The following UNC93B1 variants were observed in gnomAD, a reference collection of about 807,000 sequenced individuals.
The protein encoded by UNC93B1 is protein unc-93 homolog B1.
A neutral mutation model predicts 56.8 loss-of-function variants in UNC93B1; 33 were observed. The ratio of observed to expected loss-of-function variants is 0.58; its 90% confidence interval spans 0.44 to 0.78. The LOEUF is 0.78. UNC93B1 is among the 30% of genes least tolerant of loss of function. UNC93B1 has a pLI of 0.00. For synonymous variants in UNC93B1, 334 were observed against 358.6 expected, an observed-to-expected ratio of 0.93 and a Z score of 0.77; for missense variants, 673 against 819.5, an observed-to-expected ratio of 0.82 and a Z score of 2.18.
chr11:68,003,820 C>T lies in UNC93B1; in HGVS notation c.97-22G>A, dbSNP rs758586890. The T allele has an allele frequency of 7.6e-6, 11 of 1,456,608 alleles. No individual in the cohort carries two copies. The East Asian group carries it at 1.2e-4, about 16-fold the overall frequency. 90.2% of individuals were successfully genotyped at this position (1,456,608 alleles called of 1,614,324 possible). A position where few individuals can be genotyped will look rare whatever the true frequency, so the allele number is the denominator to read the frequency against. ...CCAGCTGCGAGCCACGCACGCCGCT[C>T]GCACCCGCGATCGCGCCCCGAACCC... is the stretch of plus-strand genomic sequence containing the variant. On this transcript the variant is annotated intron_variant, in intron 1 of 10. Transcript: ENST00000227471. The surrounding 1 kb of genome is among the most constrained non-coding windows in gnomAD (Gnocchi z 4.4).
In UNC93B1 at chr11:67,991,693, C is replaced by G. The variant is rs1372132126; in HGVS notation, c.1647G>C (p.Glu549Asp). 9 of 1,532,512 alleles carry G rather than the reference C, an allele frequency of 5.9e-6. No homozygotes were observed. The highest frequency in any genetic ancestry group is 7.9e-6 in the Non-Finnish European group (9 of 1,145,908). 94.9% of individuals were successfully genotyped at this position (1,532,512 alleles called of 1,614,324 possible). The change falls in exon 11 of 11, where the codon GAG (glutamate) becomes GAC (aspartate). Residue 549 changes from glutamate to aspartate, a missense_variant. Physicochemically the swap from Glu to Asp is conservative, Grantham distance 45. Around this residue, in one of 3 missense-constraint regions of UNC93B1, gnomAD observed 80 missense variants for 85.3 expected, o/e 0.94. Transcript: ENST00000227471. ...CCCCATGCTCGCCCTCCGCGTCGCTCTCGTCCGAGTTGTCCTCCTCCAAGT... is the reference window on the plus strand; with the variant it reads ...CCCCATGCTCGCCCTCCGCGTCGCTGTCGTCCGAGTTGTCCTCCTCCAAGT... ...YRYLEEDNSDESDAEGEHGDG... is the reference protein window; with the variant it reads ...YRYLEEDNSDDSDAEGEHGDG...
intron 9 of UNC93B1, among the ~76,000 whole-genome samples, chr11:67,994,653 C>T (rs2375168): frequency 2.6e-5 from 4 of 152,176 alleles, no homozygotes; most frequent in Non-Finnish European, 5.9e-5. Flanking sequence ...GATACCCAGG[C>T]TGGACTCTGC....
intron 9 of UNC93B1, among the ~76,000 whole-genome samples, chr11:67,994,104 C>T (rs1856895031): frequency 6.6e-6 from 1 of 152,228 alleles, no homozygotes. Flanking sequence ...CTGTCCCCAA[C>T]CCAGGTGTGC....
chr11:67,996,316 G>C (rs1382105733), intron 8 of UNC93B1, among the ~76,000 whole-genome samples: 1 of 152,076 alleles, frequency 6.6e-6, no homozygotes, highest in East Asian at 2.0e-4. Context: ...TCTGAGGGCA[G>C]GTGTGAAAAT....
chr11:67,993,310 T>C (rs937059897), intron 10 of UNC93B1, among the ~76,000 whole-genome samples: 6 of 152,244 alleles, frequency 3.9e-5, no homozygotes, highest in African/African-American at 1.4e-4. Flanking sequence ...TTTTAAAAAA[T>C]GTTTAGCAAC....
At position 68,003,286 on chromosome 11, in the gene UNC93B1, C is replaced by A; in HGVS notation, c.239-111G>T. The A allele has an allele frequency of 2.4e-6, 3 of 1,272,972 alleles. No homozygotes were observed. Among genetic ancestry groups the A allele is most frequent in the Non-Finnish European group, 3.1e-6 (3 of 954,732 alleles). The allele number at this position is 1,272,972 out of a possible 1,614,324, so 78.9% of individuals were successfully genotyped here. On this transcript the variant is annotated intron_variant, in intron 2 of 10. Coordinates refer to ENST00000227471, the MANE Select transcript of UNC93B1 (RefSeq NM_030930.4). This position sits in a 1 kb window ranked among gnomAD's most constrained non-coding sequence, Gnocchi z 4.4. Reference sequence around the variant, plus strand: ...GAGCTCCAATCACCGAAGGCATTCCCGCTGACAGCGCCCCTCAGGACAGCG... The same window carrying A: ...GAGCTCCAATCACCGAAGGCATTCCAGCTGACAGCGCCCCTCAGGACAGCG...
Position 67,995,653 on chromosome 11 carries a change from G to C in UNC93B1, c.1321C>G (p.Leu441Val), listed in dbSNP as rs1044961876. Residue 441 changes from leucine to valine, a missense_variant, in exon 9 of 11, where the codon CTT becomes GTT. By Grantham distance (32) the Leu-to-Val change is conservative. This residue lies in a region of UNC93B1 where 155 missense variants were observed against 268.3 expected (regional missense o/e 0.58). Transcript: ENST00000227471. ...HSWILYVAAA[L>V]WGVGSALNKT... ...TTCAGGGCACTGCCCACACCCCAAA[G>C]GGCAGCTGCCACATAGAGGATCCAG... 2 of 1,338,540 alleles carry C rather than the reference G, an allele frequency of 1.5e-6. No individual in the cohort carries two copies. The highest frequency in any genetic ancestry group is 1.2e-5 in the South Asian group (1 of 81,436). The allele number at this position is 1,338,540 out of a possible 1,614,324, so 82.9% of individuals were successfully genotyped here. A position where few individuals can be genotyped will look rare whatever the true frequency, so the allele number is the denominator to read the frequency against.
At chr11:67,995,476 A>G (rs1856922771) in intron 9 of UNC93B1, 135 bp downstream of exon 9, 1 of 742,582 alleles carries the variant, frequency 1.3e-6, no homozygotes, top group Non-Finnish European at 2.1e-6. Context: ...TGCCTCTGCC[A>G]TGTCCACAGG....
At chr11:68,000,106 G>A (rs1857022131) in intron 3 of UNC93B1, among the ~76,000 whole-genome samples, 1 of 152,248 alleles carries the variant, frequency 6.6e-6, no homozygotes. Flanking sequence ...CAGAGCCAGA[G>A]TCCCGGCACC....
Position 67,999,128 on chromosome 11 carries a change from G to C in UNC93B1, c.687+45C>G, listed in dbSNP as rs140566211. On this transcript the variant is annotated intron_variant, in intron 5 of 10. Coordinates refer to ENST00000227471, the MANE Select transcript of UNC93B1 (RefSeq NM_030930.4). Reference sequence around the variant, plus strand: ...TGAGACTGTGGATGGGCTCCAATGCGTGGGTCTGCCCCTGCCACCCAACAA... The same window carrying C: ...TGAGACTGTGGATGGGCTCCAATGCCTGGGTCTGCCCCTGCCACCCAACAA... 4.3e-4 allele frequency: 698 copies of C among 1,611,048 alleles called. 4 individuals carry two copies. In the East Asian group the frequency reaches 0.012, roughly 29 times the overall value.
intron 3 of UNC93B1, among the ~76,000 whole-genome samples, chr11:68,000,742 G>A (rs573011655): frequency 6.6e-6 from 1 of 152,312 alleles, no homozygotes; most frequent in Admixed American, 6.5e-5. Flanking sequence ...TTTGGCAGGG[G>A]GTGAACATGT....
chr11:67,996,545 C>T, intron 8 of UNC93B1, 57 bp downstream of exon 8: 1 of 1,473,682 alleles, frequency 6.8e-7, no homozygotes, highest in Non-Finnish European at 9.0e-7. Flanking sequence ...TACTTGAATT[C>T]AAATTTACCT....
At chr11:67,995,156 C>T (rs1464023380) in intron 9 of UNC93B1, among the ~76,000 whole-genome samples, 1 of 152,154 alleles carries the variant, frequency 6.6e-6, no homozygotes, top group African/African-American at 2.4e-5. Context: ...ACATCTGCTC[C>T]AAGTGTCATG....
chr11:67,995,506 C>A, intron 9 of UNC93B1, 105 bp downstream of exon 9: 11 of 975,986 alleles, frequency 1.1e-5, no homozygotes, highest in Non-Finnish European at 1.6e-5. Context: ...GACCATGGGA[C>A]CCCATATCTG....
rs749153408 is a variant in UNC93B1 at position 67,999,556 on chromosome 11, C to T, written c.517G>A (p.Val173Met). 3.2e-6 allele frequency: 5 copies of T among 1,570,270 alleles called. No homozygotes were observed. Among genetic ancestry groups the T allele is most frequent in the Admixed American group, 1.9e-5 (1 of 53,012 alleles). ...TTGCCCATGGAAGCCCAAAGAGGCA[C>T]GATGGCCATGCCCAGGGCCACAGCC... ...PSAVALGMAIVPLWASMGNYI... is the reference protein window; with the variant it reads ...PSAVALGMAIMPLWASMGNYI... Residue 173 changes from valine to methionine, a missense_variant, in exon 4 of 11, where the codon GTG becomes ATG. Val to Met is a conservative substitution (Grantham distance 21, BLOSUM62 1). Around this residue, in one of 3 missense-constraint regions of UNC93B1, gnomAD observed 438 missense variants for 465.9 expected, o/e 0.94. Transcript: ENST00000227471.
intron 5 of UNC93B1, 73 bp downstream of exon 5, chr11:67,999,100 G>T: frequency 6.3e-7 from 1 of 1,594,388 alleles, no homozygotes; most frequent in Non-Finnish European, 8.6e-7. Context: ...GGGACTAGAG[G>T]GTTGAGACTG....
chr11:68,003,183 C>T lies in UNC93B1; in HGVS notation c.239-8G>A. 1 of 1,609,120 alleles carries T rather than the reference C, an allele frequency of 6.2e-7. No homozygotes were observed. The highest frequency in any genetic ancestry group is 8.5e-7 in the Non-Finnish European group (1 of 1,179,318). On this transcript the variant is annotated splice_polypyrimidine_tract_variant and splice_region_variant and intron_variant, in intron 2 of 10. Coordinates refer to ENST00000227471, the MANE Select transcript of UNC93B1 (RefSeq NM_030930.4). This position sits in a 1 kb window ranked among gnomAD's most constrained non-coding sequence, Gnocchi z 4.4. ...GCTGCATCTGCAGGAGGCCTGGGGA[C>T]AGGACAGAGAGCGGCGTGCAGGGAG...
chr11:67,991,643 G>A lies in UNC93B1; in HGVS notation c.1697C>T (p.Pro566Leu). ...CTCGGGGCCAGGCCTGGGCCCTGCG[G>A]GCGGCGCCTCCTCCTCCGCGCCGTC... Reference protein sequence around the residue: ...HGDGAEEEAPPAGPRPGPEPA... With the variant: ...HGDGAEEEAPLAGPRPGPEPA... The change falls in exon 11 of 11, where the codon CCC (proline) becomes CTC (leucine). Residue 566 changes from proline (P) to leucine (L), a missense_variant. Around this residue, in one of 3 missense-constraint regions of UNC93B1, gnomAD observed 80 missense variants for 85.3 expected, o/e 0.94. Transcript: ENST00000227471. 2 of 1,523,102 alleles carry A rather than the reference G, an allele frequency of 1.3e-6. No individual in the cohort carries two copies. Among genetic ancestry groups the A allele is most frequent in the Non-Finnish European group, 1.8e-6 (2 of 1,142,250 alleles). The allele number at this position is 1,523,102 out of a possible 1,614,324, so 94.3% of individuals were successfully genotyped here.
intron 8 of UNC93B1, 106 bp downstream of exon 8, chr11:67,996,496 G>T: frequency 7.2e-7 from 1 of 1,396,070 alleles, no homozygotes; most frequent in Non-Finnish European, 9.6e-7. Context: ...GGATATACAT[G>T]TACACACTTA....
Sources: gnomAD v4.1 joint callset for allele counts (sites outside exome capture counted in the v4.1 genomes callset) on GRCh38, gnomAD v4.1.1 for gene constraint, gnomAD v4.1.1 regional missense constraint, Gnocchi (gnomAD v3.1) non-coding constraint, MANE v1.5 for transcripts, NCBI Gene and HGNC (gene_info 2026-07-23, HGNC 2026-07-21) for gene names.